The following CSMD1 variants were observed in gnomAD, a reference collection of about 807,000 sequenced individuals.
CSMD1 encodes CUB and Sushi multiple domains 1, also known as CUB and sushi domain-containing protein 1.
CSMD1 carries 213 observed loss-of-function variants against 417.5 expected under a neutral mutation model. That is an observed-to-expected ratio of 0.51 (90% CI 0.46 to 0.57). The LOEUF (loss-of-function observed/expected upper bound fraction) is 0.57. Among genes scored for constraint, CSMD1 ranks in the 20% least tolerant of loss-of-function variants. The probability of loss-of-function intolerance (pLI) is 0.00; values close to 1 mark genes in which losing one functional copy is unlikely to be tolerated. For synonymous variants in CSMD1, 2,862 were observed against 1,736.8 expected, an observed-to-expected ratio of 1.65 and a Z score of -16.11; for missense variants, 6,923 against 4,529.7, an observed-to-expected ratio of 1.53 and a Z score of -15.17.
chr8:4,348,320 G>C (rs1048882578), intron 3 of CSMD1, among the ~76,000 whole-genome samples: 1 of 152,062 alleles, frequency 6.6e-6, no homozygotes, highest in African/African-American at 2.4e-5. Flanking sequence ...CTTTGTAAGA[G>C]TGTGAGGCCA....
At chr8:3,256,090 G>A (rs991725814) in intron 26 of CSMD1, among the ~76,000 whole-genome samples, 1 of 152,060 alleles carries the variant, frequency 6.6e-6, no homozygotes, top group Non-Finnish European at 1.5e-5. Context: ...GACTTTGGGG[G>A]GCTGAGGCAG....
At chr8:3,878,979 C>A (rs183050742) in intron 5 of CSMD1, among the ~76,000 whole-genome samples, 3 of 152,186 alleles carry the variant, frequency 2.0e-5, no homozygotes, top group South Asian at 4.2e-4. Context: ...GATGCAAGCA[C>A]TTCAAGCAAA....
chr8:4,000,246 G>A (rs992522944), intron 4 of CSMD1, among the ~76,000 whole-genome samples: 3 of 151,076 alleles, frequency 2.0e-5, no homozygotes, highest in African/African-American at 7.3e-5. Flanking sequence ...CGCCCTCCGT[G>A]GACACCACTG....
rs571693410 is a variant in CSMD1 at position 4,656,234 on chromosome 8, G to T, written c.86-18676C>A. Among the ~76,000 whole-genome samples the T allele has an allele frequency of 2.0e-5, 3 of 152,132 alleles. No individual in the cohort carries two copies. The East Asian group carries it at 5.8e-4, about 29-fold the overall frequency. Reference sequence around the variant, plus strand: ...GAATATGGCTGTGGAAAAGCCTTAGGTTAGGAGCCAGACTTTCAGGGGGCA... The same window carrying T: ...GAATATGGCTGTGGAAAAGCCTTAGTTTAGGAGCCAGACTTTCAGGGGGCA... On this transcript the variant is annotated intron_variant, in intron 1 of 69. Transcript: ENST00000635120.
chr8:3,868,959 A>G (rs557963137), intron 5 of CSMD1, among the ~76,000 whole-genome samples: 1 of 152,224 alleles, frequency 6.6e-6, no homozygotes, highest in South Asian at 2.1e-4. Flanking sequence ...TTACAACCTA[A>G]GTCACATAAC....
At chr8:4,937,168 C>G (rs923604287) in intron 1 of CSMD1, among the ~76,000 whole-genome samples, 4 of 152,128 alleles carry the variant, frequency 2.6e-5, no homozygotes, top group Non-Finnish European at 5.9e-5. Context: ...AGCTCTGATC[C>G]TGAGACTGCA....
At chr8:4,635,928 T>A (rs17417676) in intron 2 of CSMD1, among the ~76,000 whole-genome samples, 1 of 151,878 alleles carries the variant, frequency 6.6e-6, no homozygotes, top group Non-Finnish European at 1.5e-5. Flanking sequence ...AAACAGATAA[T>A]AGATATTGTA....
intron 3 of CSMD1, among the ~76,000 whole-genome samples, chr8:4,067,068 G>A (rs891231801): frequency 2.0e-5 from 3 of 152,242 alleles, no homozygotes; most frequent in East Asian, 1.9e-4. Flanking sequence ...GGCGAAGACT[G>A]AAATTCAGAC....
At chr8:3,484,336 G>T (rs772247723) in intron 11 of CSMD1, among the ~76,000 whole-genome samples, 4 of 152,156 alleles carry the variant, frequency 2.6e-5, no homozygotes, top group Non-Finnish European at 5.9e-5. Context: ...ATGGAGAAAG[G>T]CGAGTCCTTT....
At chr8:4,938,028 T>C (rs1807741341) in intron 1 of CSMD1, among the ~76,000 whole-genome samples, 1 of 152,194 alleles carries the variant, frequency 6.6e-6, no homozygotes, top group Non-Finnish European at 1.5e-5. Context: ...TACTCAAAAA[T>C]AGTTAGAATA....
intron 6 of CSMD1, among the ~76,000 whole-genome samples, chr8:3,717,119 T>C (rs1408864767): frequency 6.6e-6 from 1 of 152,216 alleles, no homozygotes; most frequent in Non-Finnish European, 1.5e-5. Context: ...TCAGAAATTA[T>C]AGCCCTGACT....
chr8:4,797,581 A>G (rs749110302), intron 1 of CSMD1, among the ~76,000 whole-genome samples: 2 of 152,188 alleles, frequency 1.3e-5, no homozygotes, highest in African/African-American at 2.4e-5. Flanking sequence ...AAAAGTACGA[A>G]ATTATTCCAG....
At chr8:3,756,920 G>A (rs975628228) in intron 5 of CSMD1, among the ~76,000 whole-genome samples, 6 of 151,986 alleles carry the variant, frequency 3.9e-5, no homozygotes, top group African/African-American at 1.2e-4. Flanking sequence ...CTCAACCTCT[G>A]GAGTAGCTAG....
intron 11 of CSMD1, among the ~76,000 whole-genome samples, chr8:3,477,163 C>T (rs1049159058): frequency 2.6e-5 from 4 of 152,026 alleles, no homozygotes; most frequent in Admixed American, 6.6e-5. Context: ...GCATGTGTCA[C>T]GAAGCTGTCA....
At chr8:3,554,509 T>G (rs73176997) in intron 10 of CSMD1, among the ~76,000 whole-genome samples, 12,969 of 152,074 alleles carry the variant, frequency 0.085, 589 homozygotes, top group East Asian at 0.13. Context: ...CAAGGCCACA[T>G]AAATGTGGAA....
At chr8:3,870,409 T>C (rs1469560132) in intron 5 of CSMD1, among the ~76,000 whole-genome samples, 1 of 152,208 alleles carries the variant, frequency 6.6e-6, no homozygotes, top group Non-Finnish European at 1.5e-5. Flanking sequence ...CACATAGCAC[T>C]CCATGAAACA....
intron 6 of CSMD1, among the ~76,000 whole-genome samples, chr8:3,745,192 C>G (rs1297290500): frequency 6.6e-6 from 1 of 152,178 alleles, no homozygotes; most frequent in Non-Finnish European, 1.5e-5. Context: ...TATCATTTCT[C>G]TGTTATATTT....
intron 34 of CSMD1, among the ~76,000 whole-genome samples, chr8:3,189,537 T>C (rs542628347): frequency 6.6e-6 from 1 of 152,222 alleles, no homozygotes; most frequent in Non-Finnish European, 1.5e-5. Context: ...TGCATTTACC[T>C]ATTAATTTTC....
intron 1 of CSMD1, among the ~76,000 whole-genome samples, chr8:4,847,547 G>C (rs1196123825): frequency 6.6e-6 from 1 of 151,966 alleles, no homozygotes; most frequent in Non-Finnish European, 1.5e-5. Flanking sequence ...GCCGATACTG[G>C]AATATTTTAT....
Sources: allele counts gnomAD v4.1 joint callset (sites outside exome capture counted in the v4.1 genomes callset), GRCh38; gene constraint gnomAD v4.1.1; transcripts MANE v1.5; gene names NCBI Gene and HGNC (gene_info 2026-07-23, HGNC 2026-07-21).